STEAP3: variants seen among roughly 807,000 people sequenced by gnomAD.
STEAP3 encodes the protein metalloreductase STEAP3.
Under a neutral mutation model 34.9 loss-of-function variants are expected in STEAP3, and 35 were observed. The observed-to-expected ratio is 1.00, with a 90% CI of 0.76 to 1.33. The LOEUF is 1.33. Ranked by LOEUF, STEAP3 falls within the 40% of genes most tolerant of loss-of-function variation. The pLI is 0.00. For synonymous variants in STEAP3, 281 were observed against 301.6 expected (o/e 0.93, Z 0.71); for missense variants, 652 against 667.6 (o/e 0.98, Z 0.26).
chr2:119,230,157 C>T (rs975420486), intron 1 of STEAP3, among the ~76,000 whole-genome samples: 1 of 152,190 alleles, frequency 6.6e-6, no homozygotes, highest in Non-Finnish European at 1.5e-5. Context: ...ATAGAATACA[C>T]TTATCCCTAA....
intron 2 of STEAP3, among the ~76,000 whole-genome samples, chr2:119,241,291 C>T (rs1677239136): frequency 6.6e-6 from 1 of 152,176 alleles, no homozygotes; most frequent in Non-Finnish European, 1.5e-5. Context: ...GCCATGATTT[C>T]TCCCCAGCAG....
intron 2 of STEAP3, among the ~76,000 whole-genome samples, chr2:119,236,358 G>A (rs1558744622): frequency 6.6e-6 from 1 of 152,224 alleles, no homozygotes; most frequent in African/African-American, 2.4e-5. Flanking sequence ...AAGGTGAAGT[G>A]ACTTGGCCGG....
At chr2:119,238,310 T>TA (rs35715695) in intron 2 of STEAP3, among the ~76,000 whole-genome samples, 2 of 152,202 alleles carry the variant, frequency 1.3e-5, no homozygotes, top group African/African-American at 2.4e-5. Flanking sequence ...CCCTGTCTTT[T>TA]AAAAAAATAT....
chr2:119,265,220 T>C lies in STEAP3; in HGVS notation c.*1882T>C, dbSNP rs1678074687. 6.6e-6 allele frequency: 1 copy of C among 152,264 alleles called. No individual in the cohort carries two copies. Among genetic ancestry groups the C allele is most frequent in the Non-Finnish European group, 1.5e-5 (1 of 68,098 alleles). 9.4% of individuals were successfully genotyped at this position (152,264 alleles called of 1,614,324 possible). A position where few individuals can be genotyped will look rare whatever the true frequency, so the allele number is the denominator to read the frequency against. On this transcript the variant is annotated 3_prime_UTR_variant, in exon 6 of 6. Transcript: ENST00000393110. ...CTGCCCTGGGCCAGGGAATGGCTCC[T>C]TATACCAAAGATGCTGGCACATAGC...
intron 5 of STEAP3, among the ~76,000 whole-genome samples, chr2:119,255,517 C>A (rs1382802204): frequency 6.6e-6 from 1 of 152,174 alleles, no homozygotes; most frequent in African/African-American, 2.4e-5. Flanking sequence ...ATAACATCTA[C>A]AACAAACAAA....
intron 2 of STEAP3, among the ~76,000 whole-genome samples, chr2:119,240,906 G>A (rs982252364): frequency 6.6e-6 from 1 of 152,156 alleles, no homozygotes; most frequent in Non-Finnish European, 1.5e-5. Flanking sequence ...GGACTTCCAA[G>A]ACATGTACCA....
rs201456752 is a variant in STEAP3, at chr2:119,247,675, G to T, written c.523-4G>T. 1.4e-5 allele frequency: 21 copies of T among 1,516,628 alleles called. No homozygotes were observed. Among genetic ancestry groups the T allele is most frequent in the Non-Finnish European group, 1.7e-5 (19 of 1,137,950 alleles). The allele number at this position is 1,516,628 out of a possible 1,614,324, so 93.9% of individuals were successfully genotyped here. A position where few individuals can be genotyped will look rare whatever the true frequency, so the allele number is the denominator to read the frequency against. ...CGTCTGACTGCCCCACTTTTCTCCC[G>T]CAGGTGCCCATCTGCGGTGACCAGC... On this transcript the variant is annotated splice_polypyrimidine_tract_variant and splice_region_variant and intron_variant, in intron 3 of 5. Transcript: ENST00000393110.
chr2:119,259,209 G>C (rs144242003), intron 5 of STEAP3, among the ~76,000 whole-genome samples: 7 of 152,338 alleles, frequency 4.6e-5, no homozygotes, highest in African/African-American at 1.7e-4. Flanking sequence ...TTGTGCCGTA[G>C]TAATTGAGCA....
At chr2:119,259,050 G>C (rs838069) in intron 5 of STEAP3, among the ~76,000 whole-genome samples, 1 of 151,790 alleles carries the variant, frequency 6.6e-6, no homozygotes, top group East Asian at 1.9e-4. Flanking sequence ...GCTCACCTGC[G>C]CAGAAAAATG....
intron 2 of STEAP3, among the ~76,000 whole-genome samples, chr2:119,240,448 C>T (rs1677214393): frequency 6.6e-6 from 1 of 152,230 alleles, no homozygotes; most frequent in Non-Finnish European, 1.5e-5. Flanking sequence ...TCACAGCAAA[C>T]CCTCCGTGGC....
intron 5 of STEAP3, among the ~76,000 whole-genome samples, chr2:119,258,707 A>G (rs181273965): frequency 7.3e-6 from 1 of 136,234 alleles, no homozygotes; most frequent in African/African-American, 2.7e-5. Context: ...TCCCGGGTTC[A>G]TGCCATTCTC....
At chr2:119,240,134 G>A (rs1677204543) in intron 2 of STEAP3, among the ~76,000 whole-genome samples, 1 of 152,206 alleles carries the variant, frequency 6.6e-6, no homozygotes, top group African/African-American at 2.4e-5. Flanking sequence ...AACCTGGGAG[G>A]CAGAGGTTGC....
At chr2:119,243,953 A>C (rs1573555867) in intron 2 of STEAP3, among the ~76,000 whole-genome samples, 1 of 152,340 alleles carries the variant, frequency 6.6e-6, no homozygotes, top group East Asian at 1.9e-4. Context: ...AAGCCACCCC[A>C]GCTGCTCTGC....
intron 2 of STEAP3, among the ~76,000 whole-genome samples, chr2:119,235,156 C>T (rs1163195851): frequency 6.6e-6 from 1 of 152,178 alleles, no homozygotes; most frequent in Admixed American, 6.5e-5. Context: ...CCTAATGACC[C>T]ACATGTAGCC....
intron 1 of STEAP3, among the ~76,000 whole-genome samples, chr2:119,227,137 G>A (rs1379055560): frequency 6.6e-6 from 1 of 152,162 alleles, no homozygotes; most frequent in African/African-American, 2.4e-5. Context: ...GCGTACTTGC[G>A]AATCTGAGTG....
chr2:119,236,577 G>C (rs1334710163), intron 2 of STEAP3, among the ~76,000 whole-genome samples: 1 of 152,214 alleles, frequency 6.6e-6, no homozygotes, highest in East Asian at 1.9e-4. Flanking sequence ...TGTGGCTTCA[G>C]CTGTGTTATT....
In STEAP3 at chr2:119,232,610, T is replaced by C. The variant is rs548263292; in HGVS notation, c.22+1576T>C. Among the ~76,000 whole-genome samples, 3 of 152,332 alleles carry C rather than the reference T, an allele frequency of 2.0e-5. No individual in the cohort carries two copies. In the South Asian group the frequency reaches 6.2e-4, roughly 32 times the overall value. ...CTTCCCTGAAAACTTCTTATTTGCA[T>C]AAAATGTGCGCTGCTTTTGACTTAT... is the stretch of plus-strand genomic sequence containing the variant. On this transcript the variant is annotated intron_variant, in intron 2 of 5. Coordinates refer to ENST00000393110, the MANE Select transcript of STEAP3 (RefSeq NM_182915.3).
At chr2:119,260,761 A>G (rs1677919297) in intron 5 of STEAP3, among the ~76,000 whole-genome samples, 1 of 152,228 alleles carries the variant, frequency 6.6e-6, no homozygotes, top group Non-Finnish European at 1.5e-5. Context: ...TGCAACTGAC[A>G]GTCAAGGAGT....
chr2:119,248,357 A>C, intron 4 of STEAP3, 151 bp downstream of exon 4: 7 of 827,532 alleles, frequency 8.5e-6, no homozygotes, highest in Non-Finnish European at 1.1e-5. Context: ...CAGCACCCAC[A>C]TCCTCCTGCC....
Sources: allele counts gnomAD v4.1 joint callset (sites outside exome capture counted in the v4.1 genomes callset), GRCh38; gene constraint gnomAD v4.1.1; transcripts MANE v1.5; gene names NCBI Gene and HGNC (gene_info 2026-07-23, HGNC 2026-07-21).